Variants in RFLNA observed in about 807,000 individuals in gnomAD.
RFLNA encodes refilin A.
In RFLNA, 5 loss-of-function variants were observed where a neutral mutation model predicts 7.8. The ratio of observed to expected loss-of-function variants is 0.64; its 90% CI spans 0.34 to 1.35. RFLNA has a LOEUF of 1.35. RFLNA is among the 40% of genes most tolerant of loss of function. The probability of loss-of-function intolerance (pLI) is 0.04; values close to 1 mark genes in which losing one functional copy is unlikely to be tolerated. For missense variants in RFLNA, 278 were observed against 305.5 expected (o/e 0.91, Z 0.67); for synonymous variants, 141 against 131.3 (o/e 1.07, Z -0.50).
At chr12:124,313,178 G>A (rs1009421244) in intron 2 of RFLNA, among the ~76,000 whole-genome samples, 2 of 152,116 alleles carry the variant, frequency 1.3e-5, no homozygotes, top group African/African-American at 4.8e-5. Flanking sequence ...CTTGACCCTC[G>A]GGACCTCTGA....
Position 124,308,741 on chromosome 12 carries a change from G to A in RFLNA, c.208-3077G>A, listed in dbSNP as rs144440766. ...CCAGCAGCCTGAGTGGCTCTGGGAG[G>A]AGCAGAGCCATTGATGGGGACGTCT... On this transcript the variant is annotated intron_variant, in intron 1 of 2. Transcript: ENST00000546355. Among the ~76,000 whole-genome samples, 590 of 152,352 alleles carry A rather than the reference G, an allele frequency of 3.9e-3. 2 individuals are homozygous for A. The highest frequency in any genetic ancestry group is 0.013 in the South Asian group (63 of 4,824).
intron 2 of RFLNA, 116 bp from the exon 3 acceptor site, chr12:124,314,076 C>T: frequency 7.5e-7 from 1 of 1,326,094 alleles, no homozygotes; most frequent in Admixed American, 2.5e-5. Context: ...CAGAGCAGCC[C>T]ACACCCGTTA....
Position 124,306,488 on chromosome 12 carries a change from G to A in RFLNA, c.208-5330G>A, listed in dbSNP as rs1486093662. Among the ~76,000 whole-genome samples, 1 of 152,080 alleles carries A rather than the reference G, an allele frequency of 6.6e-6. No individual in the cohort carries two copies. The highest frequency in any genetic ancestry group is 6.5e-5 in the Admixed American group (1 of 15,272). ...GTGTCGGGGGAGCCTGGAGCTGAGGGGGCAGCGATGAGACAGGCCCCTGGG... is the reference window on the plus strand; with the variant it reads ...GTGTCGGGGGAGCCTGGAGCTGAGGAGGCAGCGATGAGACAGGCCCCTGGG... On this transcript the variant is annotated intron_variant, in intron 1 of 2. Transcript: ENST00000546355. The surrounding 1 kb of genome is among the most constrained non-coding windows in gnomAD (Gnocchi z 5.2).
At chr12:124,290,539 T>A (rs1718505714), upstream of RFLNA, among the ~76,000 whole-genome samples, 1 of 152,320 alleles carries the variant, frequency 6.6e-6, no homozygotes, top group South Asian at 2.1e-4. The surrounding 1 kb of genome is among the most constrained non-coding windows in gnomAD (Gnocchi z 4.0). Flanking sequence ...TGTGTTTATG[T>A]GTATATACAT....
Position 124,295,588 on chromosome 12 carries a change from G to A in RFLNA, c.159G>A (p.Gly53=). 2 of 1,223,972 alleles carry A rather than the reference G, an allele frequency of 1.6e-6. No homozygotes were observed. The highest frequency in any genetic ancestry group is 2.0e-6 in the Non-Finnish European group (2 of 984,094). The allele number at this position is 1,223,972 out of a possible 1,614,324, so 75.8% of individuals were successfully genotyped here. The change falls in exon 1 of 3, where the codon GGG becomes GGA. Residue 53 remains glycine (G), a synonymous_variant. Transcript: ENST00000546355. The part of the protein sequence containing the change: ...LAPGILDARA[G]GAGASSEPPG... ...CCGGCATCCTCGACGCGCGCGCGGG[G>A]GGCGCCGGCGCCTCCTCGGAGCCCC...
At position 124,289,932 on chromosome 12, in the gene RFLNA, C is replaced by T. The variant is rs1395662880; in HGVS notation, c.-37+562C>T. On this transcript the variant is annotated intron_variant, in intron 1 of 2. Transcript: ENST00000324038. The surrounding 1 kb of genome is among the most constrained non-coding windows in gnomAD (Gnocchi z 5.0). ...TTGTACAGTCACCGGGACCTTCACT[C>T]TGAAACATTTGACCACATGCCCGGC... Among the ~76,000 whole-genome samples, 1 of 152,208 alleles carries T rather than the reference C, an allele frequency of 6.6e-6. No homozygotes were observed. The highest frequency in any genetic ancestry group is 1.5e-5 in the Non-Finnish European group (1 of 68,038).
At chr12:124,302,931 G>C (rs1040605122) in intron 1 of RFLNA, among the ~76,000 whole-genome samples, 1 of 151,898 alleles carries the variant, frequency 6.6e-6, no homozygotes, top group Non-Finnish European at 1.5e-5. Flanking sequence ...CCTCTCCCGC[G>C]GCCCGTGTGG....
Position 124,295,654 on chromosome 12 carries a change from C to T in RFLNA, c.207+18C>T. ...CCAGAGCGGTAAGGAGGCGCTCTCT[C>T]TCCCAAACGGGGGACCGCGTGGGCG... On this transcript the variant is annotated intron_variant, in intron 1 of 2. Transcript: ENST00000546355. 2 of 1,229,402 alleles carry T rather than the reference C, an allele frequency of 1.6e-6. No individual in the cohort carries two copies. Among genetic ancestry groups the T allele is most frequent in the Non-Finnish European group, 1.0e-6 (1 of 986,522 alleles). The allele number at this position is 1,229,402 out of a possible 1,614,324, so 76.2% of individuals were successfully genotyped here. A position where few individuals can be genotyped will look rare whatever the true frequency, so the allele number is the denominator to read the frequency against.
intron 1 of RFLNA, among the ~76,000 whole-genome samples, chr12:124,302,936 G>A (rs1380346770): frequency 2.6e-5 from 4 of 152,058 alleles, no homozygotes; most frequent in South Asian, 2.1e-4. Context: ...CCCGCGGCCC[G>A]TGTGGGGCTC....
At chr12:124,295,876 G>GT (rs2033899374) in intron 1 of RFLNA, among the ~76,000 whole-genome samples, 1 of 151,920 alleles carries the variant, frequency 6.6e-6, no homozygotes, top group Admixed American at 6.5e-5. Flanking sequence ...TCCCTCCAGA[G>GT]TGATTCTTCC....
intron 1 of RFLNA, among the ~76,000 whole-genome samples, chr12:124,296,378 C>T (rs2033929235): frequency 1.3e-5 from 2 of 150,648 alleles, no homozygotes; most frequent in Admixed American, 6.6e-5. Flanking sequence ...CCCAGCTTGG[C>T]GCCTTGCCTG....
chr12:124,300,832 A>G (rs1024545278), intron 1 of RFLNA, among the ~76,000 whole-genome samples: 6 of 150,100 alleles, frequency 4.0e-5, no homozygotes, highest in African/African-American at 9.9e-5. Flanking sequence ...GAATGGGTGG[A>G]TGGATGGATG....
chr12:124,304,326 C>G (rs2034100831), intron 1 of RFLNA, among the ~76,000 whole-genome samples: 2 of 152,250 alleles, frequency 1.3e-5, no homozygotes, highest in African/African-American at 4.8e-5. Flanking sequence ...CTATATCGGT[C>G]TGGGCTTTCA....
upstream of RFLNA, among the ~76,000 whole-genome samples, chr12:124,293,330 G>T (rs1413666486): frequency 6.6e-6 from 1 of 152,194 alleles, no homozygotes; most frequent in Non-Finnish European, 1.5e-5. Flanking sequence ...TGGCCAAGGG[G>T]TCATTAGTCC....
rs536177064 is a variant in RFLNA at position 124,289,797 on chromosome 12, C to T, written c.-37+427C>T. ...GCAAGGGCACTGCGGAAAAGTCCCT[C>T]GGGTGAGACAGGCCACCGGGGAACA... On this transcript the variant is annotated intron_variant, in intron 1 of 2. Coordinates refer to the RFLNA transcript ENST00000324038. This position sits in a 1 kb window ranked among gnomAD's most constrained non-coding sequence, Gnocchi z 5.0. Among the ~76,000 whole-genome samples, 6 of 152,234 alleles carry T rather than the reference C, an allele frequency of 3.9e-5. No individual in the cohort carries two copies. Among genetic ancestry groups the T allele is most frequent in the Admixed American group, 1.3e-4 (2 of 15,298 alleles).
intron 1 of RFLNA, among the ~76,000 whole-genome samples, chr12:124,296,552 T>C (rs2033932992): frequency 1.3e-5 from 2 of 151,046 alleles, no homozygotes; most frequent in South Asian, 4.2e-4. Context: ...GTGTGCTGGC[T>C]CCACTCCCCT....
chr12:124,309,280 C>T (rs1366670224), intron 1 of RFLNA, among the ~76,000 whole-genome samples: 3 of 152,190 alleles, frequency 2.0e-5, no homozygotes, highest in African/African-American at 4.8e-5. Flanking sequence ...AAACCCTTCT[C>T]GTGCCCTCAT....
chr12:124,295,401 G>T lies in RFLNA; in HGVS notation c.-29G>T, dbSNP rs1038670488. ...GCGGTGGAGAAGCCCCCGGAGGAGCGGGGGGCCCGCGCCCCGCGCCCCCCA... is the reference window on the plus strand; with the variant it reads ...GCGGTGGAGAAGCCCCCGGAGGAGCTGGGGGCCCGCGCCCCGCGCCCCCCA... On this transcript the variant is annotated 5_prime_UTR_variant, in exon 1 of 3. Coordinates refer to ENST00000546355, the MANE Select transcript of RFLNA (RefSeq NM_001365156.1). The T allele has an allele frequency of 1.7e-6, 2 of 1,190,158 alleles. No homozygotes were observed. Among genetic ancestry groups the T allele is most frequent in the African/African-American group, 1.6e-5 (1 of 63,224 alleles). 73.7% of individuals were successfully genotyped at this position (1,190,158 alleles called of 1,614,324 possible). A position where few individuals can be genotyped will look rare whatever the true frequency, so the allele number is the denominator to read the frequency against.
rs1367381450 is a variant in RFLNA at position 124,295,266 on chromosome 12, G to A, written c.-164G>A. 5.6e-6 allele frequency: 1 copy of A among 179,496 alleles called. No individual in the cohort carries two copies. The highest frequency in any genetic ancestry group is 1.1e-5 in the Non-Finnish European group (1 of 92,838). 11.1% of individuals were successfully genotyped at this position (179,496 alleles called of 1,614,324 possible). A position where few individuals can be genotyped will look rare whatever the true frequency, so the allele number is the denominator to read the frequency against. ...GCGGCGAGCAGGCTGCAGGCCCGCG[G>A]GGATCCGGGGCGCGGGGGGCGCCGG... On this transcript the variant is annotated 5_prime_UTR_variant, in exon 1 of 3. Coordinates refer to ENST00000546355, the MANE Select transcript of RFLNA (RefSeq NM_001365156.1).
Sources: allele counts gnomAD v4.1 joint callset (sites outside exome capture counted in the v4.1 genomes callset), GRCh38; gene constraint gnomAD v4.1.1; non-coding constraint Gnocchi (gnomAD v3.1); transcripts MANE v1.5; gene names NCBI Gene and HGNC (gene_info 2026-07-23, HGNC 2026-07-21).